Variants in ZFP90 observed in about 807,000 individuals in gnomAD.
ZFP90 encodes the protein zinc finger protein 90 homolog.
ZFP90 carries 38 observed loss-of-function variants against 60.8 expected under a neutral mutation model. The observed-to-expected ratio is 0.62, with a 90% CI of 0.48 to 0.82. The LOEUF (loss-of-function observed/expected upper bound fraction) is 0.82, where lower values mean the gene tolerates loss of function less well. Among genes scored for constraint, ZFP90 ranks in the 40% least tolerant of loss-of-function variants. ZFP90 has a pLI of 0.00. For missense variants in ZFP90, 711 were observed against 759.1 expected (o/e 0.94, Z 0.74); for synonymous variants, 287 against 264.8 (o/e 1.08, Z -0.82).
chr16:68,547,092 A>G (rs1484781019), intron 2 of ZFP90, among the ~76,000 whole-genome samples: 1 of 152,208 alleles, frequency 6.6e-6, no homozygotes, highest in South Asian at 2.1e-4. Flanking sequence ...GGGGGTACAG[A>G]TATCTCTTTG....
chr16:68,565,010 C>G lies in ZFP90; in HGVS notation c.*312C>G. ...GTTTCAACATCTTGACTTGTGACCC[C>G]CAATGTCAACAGCTTTTTTAAAAAG... On this transcript the variant is annotated 3_prime_UTR_variant, in exon 5 of 5. Coordinates refer to ENST00000563169, the MANE Select transcript of ZFP90 (RefSeq NM_001305203.2). 2 of 1,057,466 alleles carry G rather than the reference C, an allele frequency of 1.9e-6. No homozygotes were observed. Among genetic ancestry groups the G allele is most frequent in the Non-Finnish European group, 2.3e-6 (2 of 877,340 alleles). The allele number at this position is 1,057,466 out of a possible 1,614,324, so 65.5% of individuals were successfully genotyped here.
In ZFP90 at chr16:68,539,820, C is replaced by G. The variant is rs1453215340; in HGVS notation, c.28C>G (p.Pro10Ala). 5 of 1,606,068 alleles carry G rather than the reference C, an allele frequency of 3.1e-6. No individual in the cohort carries two copies. In the Admixed American group the frequency reaches 5.1e-5, roughly 16 times the overall value. Residue 10 changes from proline (P) to alanine (A), a missense_variant, in exon 2 of 5, where the codon CCC becomes GCC. Coordinates refer to ENST00000563169, the MANE Select transcript of ZFP90 (RefSeq NM_001305203.2). The stretch of plus-strand genomic sequence containing the variant: ...GGCCCCGAGGCCTCCGACCGCCGCG[C>G]CCCAGGTGAGCAACGCGTTCCTAAC... MAPRPPTAA[P>A]QESVTFKDVS...
Position 68,566,546 on chromosome 16 carries a change from G to A in ZFP90, c.*1848G>A. On this transcript the variant is annotated 3_prime_UTR_variant, in exon 5 of 5. Transcript: ENST00000563169. ...TGGGGGCTGAAATGTAATATGTGTA[G>A]CTCAATTAGTCTCTCCTCTGTGATG... The A allele has an allele frequency of 1.0e-6, 1 of 985,510 alleles. No homozygotes were observed. The highest frequency in any genetic ancestry group is 1.2e-6 in the Non-Finnish European group (1 of 829,930). 61.0% of individuals were successfully genotyped at this position (985,510 alleles called of 1,614,324 possible).
At chr16:68,551,959 A>C (rs1441316989) in intron 2 of ZFP90, among the ~76,000 whole-genome samples, 1 of 147,698 alleles carries the variant, frequency 6.8e-6, no homozygotes, top group Non-Finnish European at 1.5e-5. Flanking sequence ...AGGGAGTTTC[A>C]CCGTGTTAGC....
intron 2 of ZFP90, chr16:68,557,305 G>A (rs959473844): frequency 8.8e-6 from 4 of 454,584 alleles, no homozygotes; most frequent in Admixed American, 2.4e-5. Flanking sequence ...TGAACCACCC[G>A]CGTGCCCTGT....
At chr16:68,567,823 G>C (rs901467494), downstream of ZFP90, among the ~76,000 whole-genome samples, 1 of 152,178 alleles carries the variant, frequency 6.6e-6, no homozygotes, top group East Asian at 1.9e-4. Flanking sequence ...AGAGCATCTA[G>C]CGCACCTCCA....
intron 4 of ZFP90, among the ~76,000 whole-genome samples, chr16:68,560,860 A>G: frequency 6.8e-6 from 1 of 146,932 alleles, no homozygotes. Flanking sequence ...CACCATGCCC[A>G]GCCACTGGAT....
At position 68,564,600 on chromosome 16, in the gene ZFP90, G is replaced by T; in HGVS notation, c.1813G>T (p.Gly605Ter). The T allele has an allele frequency of 3.7e-6, 6 of 1,614,028 alleles. No individual in the cohort carries two copies. The highest frequency in any genetic ancestry group is 5.1e-6 in the Non-Finnish European group (6 of 1,179,980). Residue 605 changes from glycine (G) to a stop codon, truncating the protein, a stop_gained, in exon 5 of 5, where the codon GGA (glycine) becomes TGA (stop). Transcript: ENST00000563169. LOFTEE classifies it high-confidence loss of function. ...NLHDHQRIHT[G>*]EKPYSCKECG... ...GCATGATCATCAGAGAATTCATACT[G>T]GAGAAAAACCCTATTCTTGTAAGGA...
chr16:68,534,225 C>T (rs371539188), intron 2 of ZFP90, among the ~76,000 whole-genome samples: 16 of 143,130 alleles, frequency 1.1e-4, no homozygotes, highest in South Asian at 2.1e-4. Flanking sequence ...TAAAGATTTT[C>T]TTTCTTTCTT....
intron 4 of ZFP90, among the ~76,000 whole-genome samples, chr16:68,559,247 A>G (rs771243499): frequency 1.3e-5 from 2 of 152,162 alleles, no homozygotes; most frequent in African/African-American, 2.4e-5. Flanking sequence ...TCTATGCCAT[A>G]GACTCAGAAG....
rs746624062 is a variant in ZFP90, at chr16:68,563,756, C to G, written c.969C>G (p.Ser323=). The change falls in exon 5 of 5, where the codon TCC becomes TCG. Residue 323 remains serine (S), a synonymous_variant. Transcript: ENST00000563169. ...GTGGGAAAGCCTTCCAGCGCAGCTC[C>G]TCCCTTGTTCAACACCAGCGAATTC... The part of the protein sequence containing the change: ...SLCGKAFQRS[S]SLVQHQRIHT... 4 of 1,613,846 alleles carry G rather than the reference C, an allele frequency of 2.5e-6. No individual in the cohort carries two copies. The Admixed American group carries it at 6.7e-5, about 27-fold the overall frequency.
chr16:68,569,040 C>T (rs1014877761), downstream of ZFP90, among the ~76,000 whole-genome samples: 6 of 151,254 alleles, frequency 4.0e-5, no homozygotes, highest in Admixed American at 2.0e-4. Flanking sequence ...GAGCATCTGG[C>T]GAAACAATAA....
chr16:68,575,908 A>G (rs1200074616), exon 3 of ZFP90: 1 of 398,320 alleles, frequency 2.5e-6, no homozygotes, highest in Non-Finnish European at 4.4e-6. Context: ...AAGGACCTCC[A>G]GAAGTTCTCT....
intron 2 of ZFP90, among the ~76,000 whole-genome samples, chr16:68,573,435 G>A (rs548457219): frequency 1.3e-5 from 2 of 152,190 alleles, no homozygotes; most frequent in Non-Finnish European, 2.9e-5. Context: ...CCATGATTAT[G>A]CCATTGCACC....
chr16:68,535,980 G>A (rs995052073), upstream of ZFP90, among the ~76,000 whole-genome samples: 1 of 152,140 alleles, frequency 6.6e-6, no homozygotes, highest in Non-Finnish European at 1.5e-5. Flanking sequence ...GTCTCCAAAT[G>A]GGTGTGAGCT....
chr16:68,544,066 C>G (rs1371782994), intron 2 of ZFP90, among the ~76,000 whole-genome samples: 2 of 152,050 alleles, frequency 1.3e-5, no homozygotes, highest in Non-Finnish European at 2.9e-5. Flanking sequence ...GTTGGCCAGA[C>G]TGGTCTTGAA....
At chr16:68,557,073 T>A (rs1245390177) in intron 2 of ZFP90, 1 of 405,020 alleles carries the variant, frequency 2.5e-6, no homozygotes, top group Non-Finnish European at 5.1e-6. Context: ...CTGCAACCTC[T>A]GCCTCCTGTA....
intron 4 of ZFP90, 140 bp from the exon 5 acceptor site, chr16:68,562,904 T>G: frequency 1.3e-6 from 2 of 1,531,754 alleles, no homozygotes; most frequent in Non-Finnish European, 1.8e-6. Context: ...CTTTTCTCCA[T>G]TTTGGGTCGT....
chr16:68,537,148 CAG>C (rs2090966821), upstream of ZFP90, among the ~76,000 whole-genome samples: 2 of 149,832 alleles, frequency 1.3e-5, no homozygotes, highest in African/African-American at 4.9e-5. Context: ...TTTTTTGAGA[CAG>C]AGTCTCCATC....
Sources: gnomAD v4.1 joint callset for allele counts (sites outside exome capture counted in the v4.1 genomes callset) on GRCh38, gnomAD v4.1.1 for gene constraint, MANE v1.5 for transcripts, NCBI Gene and HGNC (gene_info 2026-07-23, HGNC 2026-07-21) for gene names.